The following RNF213 variants were observed in gnomAD, a reference collection of about 807,000 sequenced individuals.
RNF213 encodes E3 ubiquitin-protein ligase RNF213.
A neutral mutation model predicts 514.4 loss-of-function variants in RNF213; 341 were observed. The observed-to-expected ratio is 0.66, with a 90% CI of 0.61 to 0.73. RNF213 has a LOEUF of 0.73. RNF213 is among the 30% of genes least tolerant of loss of function. RNF213 has a pLI of 0.00. For synonymous variants in RNF213, 2,655 were observed against 2,658.2 expected, an observed-to-expected ratio of 1.00 and a Z score of 0.04; for missense variants, 5,767 against 6,615.6, an observed-to-expected ratio of 0.87 and a Z score of 4.45.
chr17:80,304,991 A>G (rs2045307475), intron 11 of RNF213, among the ~76,000 whole-genome samples: 1 of 152,042 alleles, frequency 6.6e-6, no homozygotes, highest in African/African-American at 2.4e-5. Context: ...GATTTATTTC[A>G]CTGAGCATAA....
At chr17:80,352,849 G>T in intron 32 of RNF213, 91 bp from the exon 33 acceptor site, 2 of 1,588,586 alleles carry the variant, frequency 1.3e-6, no homozygotes. Flanking sequence ...GCAAGATAAT[G>T]ACAAGCCAGG....
intron 49 of RNF213, 32 bp downstream of exon 49, chr17:80,373,197 T>C (rs765717922): frequency 1.6e-5 from 25 of 1,592,048 alleles, no homozygotes; most frequent in Non-Finnish European, 2.1e-5. Context: ...CACACAAACA[T>C]GCACCCCCAC....
chr17:80,279,820 A>C (rs2044195550), intron 3 of RNF213, among the ~76,000 whole-genome samples: 1 of 152,292 alleles, frequency 6.6e-6, no homozygotes, highest in South Asian at 2.1e-4. Flanking sequence ...ACTCACTAAT[A>C]ATATCAAAAA....
At chr17:80,386,933 G>GT in intron 63 of RNF213, 42 bp downstream of exon 63, 1 of 1,561,960 alleles carries the variant, frequency 6.4e-7, no homozygotes, top group Non-Finnish European at 8.7e-7. Context: ...TGGTGTGTCT[G>GT]TTGTGAACAA....
chr17:80,355,765 A>G (rs1360299386), intron 36 of RNF213, among the ~76,000 whole-genome samples: 23 of 98,884 alleles, frequency 2.3e-4, no homozygotes, highest in East Asian at 6.7e-4. Context: ...AAGCGGGGTG[A>G]ATGGGAATGG....
At chr17:80,312,677 G>A (rs1346907964) in intron 14 of RNF213, among the ~76,000 whole-genome samples, 2 of 152,200 alleles carry the variant, frequency 1.3e-5, no homozygotes, top group African/African-American at 4.8e-5. Context: ...CCCCTCTCTG[G>A]GGCGTGCTTT....
At chr17:80,331,220 C>T (rs143280632) in intron 20 of RNF213, among the ~76,000 whole-genome samples, 2,406 of 152,226 alleles carry the variant, frequency 0.016, 33 homozygotes, top group Non-Finnish European at 0.024. Flanking sequence ...TTTTGGGAAT[C>T]CTGTGACATA....
chr17:80,381,459 T>C, intron 56 of RNF213, 88 bp from the exon 57 acceptor site: 2 of 1,363,954 alleles, frequency 1.5e-6, no homozygotes, highest in Admixed American at 1.7e-5. Flanking sequence ...TCTATGCTGG[T>C]GCTCCACTCC....
Position 80,295,651 on chromosome 17 carries a change from G to A in RNF213, c.1850G>A (p.Arg617Lys). The A allele has an allele frequency of 6.2e-7, 1 of 1,614,158 alleles. No individual in the cohort carries two copies. Among genetic ancestry groups the A allele is most frequent in the South Asian group, 1.1e-5 (1 of 91,072 alleles). The part of the protein sequence containing the change: ...TDFLPVDCPV[R>K]SKLKTGLIVL... ...TTTTTGCCTGTGGACTGCCCAGTGAGGAGTAAACTGAAAACAGGCCTGATT... is the reference window on the plus strand; with the variant it reads ...TTTTTGCCTGTGGACTGCCCAGTGAAGAGTAAACTGAAAACAGGCCTGATT... The change falls in exon 10 of 68, where the codon AGG (arginine) becomes AAG (lysine). Residue 617 changes from arginine to lysine, a missense_variant. By Grantham distance (26) the Arg-to-Lys change is conservative (BLOSUM62 2). This residue lies in a region of RNF213 where 592 missense variants were observed against 673.9 expected (regional missense o/e 0.88). Transcript: ENST00000582970.
chr17:80,379,380 G>A, intron 54 of RNF213: 1 of 542,264 alleles, frequency 1.8e-6, no homozygotes, highest in Non-Finnish European at 3.4e-6. Flanking sequence ...GTCACTCTGG[G>A]AATAAAGCTT....
intron 36 of RNF213, 32 bp downstream of exon 36, chr17:80,354,608 C>T (rs779435153): frequency 6.2e-7 from 1 of 1,613,594 alleles, no homozygotes; most frequent in Non-Finnish European, 8.5e-7. Flanking sequence ...AGGAGTGGCT[C>T]CAATCTGGTG....
chr17:80,328,617 G>A, intron 20 of RNF213, 140 bp downstream of exon 20: 1 of 737,132 alleles, frequency 1.4e-6, no homozygotes, highest in Non-Finnish European at 2.1e-6. Flanking sequence ...TTTGCTGGGG[G>A]GATCGCTTTC....
chr17:80,306,119 C>CGCCT lies in RNF213; in HGVS notation c.2211-129_2211-126dup, dbSNP rs2143569577. ...ATTGGGATTCAGGTGTGAGCCACCA[C>CGCCT]GCCTGCCCTCAAGTAGTATTTAAAT... On this transcript the variant is annotated intron_variant, in intron 11 of 67. Coordinates refer to ENST00000582970, the MANE Select transcript of RNF213 (RefSeq NM_001256071.3). The CGCCT allele has an allele frequency of 3.5e-6, 3 of 862,368 alleles. No individual in the cohort carries two copies. In the East Asian group the frequency reaches 7.9e-5, roughly 23 times the overall value. The allele number at this position is 862,368 out of a possible 1,614,324, so 53.4% of individuals were successfully genotyped here. A position where few individuals can be genotyped will look rare whatever the true frequency, so the allele number is the denominator to read the frequency against.
chr17:80,294,901 C>CT lies in RNF213; in HGVS notation c.1655dup (p.Phe553LeufsTer18). On this transcript the variant is annotated frameshift_variant, in exon 9 of 68. Coordinates refer to ENST00000582970, the MANE Select transcript of RNF213 (RefSeq NM_001256071.3). LOFTEE classifies it high-confidence loss of function. ...CCTGGGACACCATCAACCTGAACAG[C>CT]TTCTTCACCCAGTTCGAGCAGTTTT... 1 of 1,614,212 alleles carries CT rather than the reference C, an allele frequency of 6.2e-7. No homozygotes were observed. Among genetic ancestry groups the CT allele is most frequent in the Admixed American group, 1.7e-5 (1 of 60,022 alleles).
At chr17:80,325,937 GTATTTATTTATTTATT>G (rs144887674) in intron 18 of RNF213, among the ~76,000 whole-genome samples, 5 of 147,338 alleles carry the variant, frequency 3.4e-5, no homozygotes, top group African/African-American at 5.1e-5. Flanking sequence ...TGTGTTATTT[GTATTTATTTATTTATT>G]TATTTATTTA....
chr17:80,340,623 T>TG (rs2078128441), intron 26 of RNF213: 1 of 414,900 alleles, frequency 2.4e-6, no homozygotes, highest in Non-Finnish European at 4.2e-6. Context: ...TTTTTTTTTT[T>TG]TTTTTTTTTT....
chr17:80,384,602 CCT>C (rs767292938), intron 59 of RNF213, among the ~76,000 whole-genome samples: 7 of 152,080 alleles, frequency 4.6e-5, no homozygotes, highest in Non-Finnish European at 1.0e-4. Flanking sequence ...AATACTGTGG[CCT>C]CTCTCTCAGA....
intron 17 of RNF213, among the ~76,000 whole-genome samples, chr17:80,322,538 T>A (rs1446404541): frequency 2.6e-5 from 4 of 151,888 alleles, no homozygotes; most frequent in Non-Finnish European, 5.9e-5. Flanking sequence ...ATTGTGCCAC[T>A]GCACTCCGGC....
At chr17:80,391,281 T>C (rs2080461622) in intron 67 of RNF213, among the ~76,000 whole-genome samples, 1 of 152,186 alleles carries the variant, frequency 6.6e-6, no homozygotes, top group Non-Finnish European at 1.5e-5. Flanking sequence ...GCCTTTATGT[T>C]TTATTTTTTG....
Sources: allele counts gnomAD v4.1 joint callset (sites outside exome capture counted in the v4.1 genomes callset), GRCh38; gene constraint gnomAD v4.1.1; regional missense constraint gnomAD v4.1.1; transcripts MANE v1.5; gene names NCBI Gene and HGNC (gene_info 2026-07-23, HGNC 2026-07-21).